NKX6-1: variants seen among roughly 807,000 people sequenced by gnomAD.
NKX6-1 encodes homeobox protein Nkx-6.1.
A neutral mutation model predicts 24.9 loss-of-function variants in NKX6-1; 11 were observed. The observed-to-expected ratio is 0.44, with a 90% confidence interval of 0.28 to 0.73. The LOEUF (loss-of-function observed/expected upper bound fraction) is 0.73, where lower values mean the gene tolerates loss of function less well. Ranked by LOEUF, NKX6-1 falls within the 30% of genes least tolerant of loss-of-function variation. The pLI is 0.15. For missense variants in NKX6-1, 487 were observed against 502.9 expected, an observed-to-expected ratio of 0.97 and a Z score of 0.30; for synonymous variants, 277 against 242.9, an observed-to-expected ratio of 1.14 and a Z score of -1.31.
Position 84,497,460 on chromosome 4 carries a change from C to T in NKX6-1, c.670+99G>A, listed in dbSNP as rs1720843133. The T allele has an allele frequency of 1.6e-6, 2 of 1,245,162 alleles. No homozygotes were observed. The highest frequency in any genetic ancestry group is 2.0e-6 in the Non-Finnish European group (2 of 986,788). The allele number at this position is 1,245,162 out of a possible 1,614,324, so 77.1% of individuals were successfully genotyped here. A position where few individuals can be genotyped will look rare whatever the true frequency, so the allele number is the denominator to read the frequency against. ...GCTGTCAAACTACTGGGGCGGGCCA[C>T]AGGATGGACTGAGCGGCATGCACAC... On this transcript the variant is annotated intron_variant, in intron 1 of 2. Transcript: ENST00000295886. This position sits in a 1 kb window ranked among gnomAD's most constrained non-coding sequence, Gnocchi z 4.8.
chr4:84,495,610 T>C (rs1452744717), intron 2 of NKX6-1, 62 bp downstream of exon 2: 9 of 1,382,550 alleles, frequency 6.5e-6, no homozygotes, highest in African/African-American at 1.4e-5. Context: ...TGTGTGCCCA[T>C]GTGTGCACGC....
At chr4:84,496,028 T>G (rs1473432592) in intron 1 of NKX6-1, among the ~76,000 whole-genome samples, 184 bp from the exon 2 acceptor site, 2 of 152,198 alleles carry the variant, frequency 1.3e-5, no homozygotes, top group African/African-American at 2.4e-5. Context: ...CTTTTTTACA[T>G]CCACCTGTTT....
In NKX6-1 at chr4:84,497,802, C is replaced by G. The variant is rs936465211; in HGVS notation, c.427G>C (p.Ala143Pro). The change falls in exon 1 of 3, where the codon GCT becomes CCT. Residue 143 changes from alanine (A) to proline (P), a missense_variant. This residue lies in a region of NKX6-1 where 316 missense variants were observed against 311.4 expected (regional missense o/e 1.01). Transcript: ENST00000295886. This position sits in a 1 kb window ranked among gnomAD's most constrained non-coding sequence, Gnocchi z 4.8. ...GAGGCGGCGGCTGCGGCCGCGGCAG[C>G]AGCCGCGGCGGCGGCAGAGGCGGAG... ...ASSASAAAAA[A>P]AAAAAAASSP... 4.7e-6 allele frequency: 6 copies of G among 1,267,490 alleles called. No homozygotes were observed. The highest frequency in any genetic ancestry group is 3.1e-5 in the East Asian group (1 of 31,998). 78.5% of individuals were successfully genotyped at this position (1,267,490 alleles called of 1,614,324 possible). A position where few individuals can be genotyped will look rare whatever the true frequency, so the allele number is the denominator to read the frequency against.
At chr4:84,496,860 G>A (rs1479362524) in intron 1 of NKX6-1, 3 of 152,714 alleles carry the variant, frequency 2.0e-5, no homozygotes, top group Non-Finnish European at 4.4e-5. Flanking sequence ...CCAGCCCCCA[G>A]AGTGGAGGCA....
In NKX6-1 at chr4:84,498,909, G is replaced by T. The variant is rs914687532; in HGVS notation, c.-681C>A. 5.9e-5 allele frequency among the ~76,000 whole-genome samples: 9 copies of T among 152,244 alleles called. No individual in the cohort carries two copies. The highest frequency in any genetic ancestry group is 2.2e-4 in the African/African-American group (9 of 41,464). On this transcript the variant is annotated 5_prime_UTR_variant, in exon 1 of 3. Coordinates refer to ENST00000295886, the MANE Select transcript of NKX6-1 (RefSeq NM_006168.3). Reference sequence around the variant, plus strand: ...AAGGGCAGTGCCACGGATCCCCGCGGCTCCCAGGTCCTCACCTCCACCCGC... The same window carrying T: ...AAGGGCAGTGCCACGGATCCCCGCGTCTCCCAGGTCCTCACCTCCACCCGC...
At chr4:84,495,623 G>A (rs374391154) in intron 2 of NKX6-1, 49 bp downstream of exon 2, 206 of 1,530,872 alleles carry the variant, frequency 1.3e-4, no homozygotes, top group Non-Finnish European at 1.7e-4. Flanking sequence ...GTGCACGCGC[G>A]CGCGACAGGG....
At chr4:84,496,336 G>A (rs985985945) in intron 1 of NKX6-1, among the ~76,000 whole-genome samples, 1 of 151,838 alleles carries the variant, frequency 6.6e-6, no homozygotes, top group East Asian at 1.9e-4. Context: ...TCGCCCCCAA[G>A]TCTAACGTCG....
chr4:84,495,645 C>T (rs779378555), intron 2 of NKX6-1, 27 bp downstream of exon 2: 30 of 1,602,422 alleles, frequency 1.9e-5, no homozygotes, highest in South Asian at 3.3e-5. Flanking sequence ...CGGTACCTAT[C>T]CCTCCAGGTA....
In NKX6-1 at chr4:84,495,678, C is replaced by T. The variant is rs1159660567; in HGVS notation, c.837G>A (p.Gln279=). Residue 279 remains glutamine (Q), a synonymous_variant, in exon 2 of 3, where the codon CAG becomes CAA. Transcript: ENST00000295886. The stretch of plus-strand genomic sequence containing the variant: ...GTATGCAAGGTCCACTCACCTTGAC[C>T]TGACTCTCTGTCATCCCCAACGAAT... ...LAYSLGMTES[Q]VKVWFQNRRT... 1.3e-5 allele frequency: 21 copies of T among 1,612,234 alleles called. No individual in the cohort carries two copies. The highest frequency in any genetic ancestry group is 1.7e-5 in the Non-Finnish European group (20 of 1,179,928).
Position 84,497,678 on chromosome 4 carries a change from A to G in NKX6-1, c.551T>C (p.Val184Ala). The change falls in exon 1 of 3, where the codon GTG (valine) becomes GCG (alanine). Residue 184 changes from valine (V) to alanine (A), a missense_variant. Around this residue, in one of 3 missense-constraint regions of NKX6-1, gnomAD observed 316 missense variants for 311.4 expected, o/e 1.01. Coordinates refer to ENST00000295886, the MANE Select transcript of NKX6-1 (RefSeq NM_006168.3). The surrounding 1 kb of genome is among the most constrained non-coding windows in gnomAD (Gnocchi z 4.8). ...CTTGGGGTACCGGCCCACGGCGGCC[A>G]CGGCCGCGGCGCTGGGGCTGAAGTA... ...GLYFSPSAAA[V>A]AAVGRYPKPL... 7.9e-7 allele frequency: 1 copy of G among 1,272,284 alleles called. No individual in the cohort carries two copies. Among genetic ancestry groups the G allele is most frequent in the South Asian group, 3.3e-5 (1 of 30,490 alleles). 78.8% of individuals were successfully genotyped at this position (1,272,284 alleles called of 1,614,324 possible). A position where few individuals can be genotyped will look rare whatever the true frequency, so the allele number is the denominator to read the frequency against.
chr4:84,493,650 C>T lies in NKX6-1; in HGVS notation c.844-101G>A. 2.7e-6 allele frequency: 4 copies of T among 1,459,426 alleles called. No homozygotes were observed. Among genetic ancestry groups the T allele is most frequent in the Non-Finnish European group, 3.7e-6 (4 of 1,076,066 alleles). 90.4% of individuals were successfully genotyped at this position (1,459,426 alleles called of 1,614,324 possible). On this transcript the variant is annotated intron_variant, in intron 2 of 2. Coordinates refer to ENST00000295886, the MANE Select transcript of NKX6-1 (RefSeq NM_006168.3). This position sits in a 1 kb window ranked among gnomAD's most constrained non-coding sequence, Gnocchi z 5.1. ...CTCCCGCATCTCGATGGCCCTCCCG[C>T]GGCCCCCCGAAGGCCTGCTGCCCTC... is the stretch of plus-strand genomic sequence containing the variant.
Position 84,498,364 on chromosome 4 carries a change from G to T in NKX6-1, c.-136C>A. 1 of 1,012,410 alleles carries T rather than the reference G, an allele frequency of 9.9e-7. No individual in the cohort carries two copies. Among genetic ancestry groups the T allele is most frequent in the Non-Finnish European group, 1.3e-6 (1 of 787,070 alleles). 62.7% of individuals were successfully genotyped at this position (1,012,410 alleles called of 1,614,324 possible). A position where few individuals can be genotyped will look rare whatever the true frequency, so the allele number is the denominator to read the frequency against. ...CGCGCCCGGAGGCGAGCTGCCAACT[G>T]AACCAAAAATGCCGCTGCCGGGAGT... is the stretch of plus-strand genomic sequence containing the variant. On this transcript the variant is annotated 5_prime_UTR_variant, in exon 1 of 3. Transcript: ENST00000295886.
Position 84,497,543 on chromosome 4 carries a change from G to T in NKX6-1, c.670+16C>A, listed in dbSNP as rs746042713. The T allele has an allele frequency of 8.0e-7, 1 of 1,254,270 alleles. No homozygotes were observed. The highest frequency in any genetic ancestry group is 1.0e-6 in the Non-Finnish European group (1 of 991,862). 77.7% of individuals were successfully genotyped at this position (1,254,270 alleles called of 1,614,324 possible). A position where few individuals can be genotyped will look rare whatever the true frequency, so the allele number is the denominator to read the frequency against. ...GCACGGCAGGCAGGCATCGGGGCGC[G>T]GGTGGTAGTACTCACGAGGGGTACA... On this transcript the variant is annotated intron_variant, in intron 1 of 2. Coordinates refer to ENST00000295886, the MANE Select transcript of NKX6-1 (RefSeq NM_006168.3). The surrounding 1 kb of genome is among the most constrained non-coding windows in gnomAD (Gnocchi z 4.8).
chr4:84,491,994 T>A lies in NKX6-1; in HGVS notation c.*1295A>T, dbSNP rs994495185. On this transcript the variant is annotated 3_prime_UTR_variant, in exon 3 of 3. Transcript: ENST00000295886. ...TTCAAGGCAACAGACGTCTTCAAACTGTTTTTTTTAATTTGATTTATCCTT... is the reference window on the plus strand; with the variant it reads ...TTCAAGGCAACAGACGTCTTCAAACAGTTTTTTTTAATTTGATTTATCCTT... 1 of 152,230 alleles carries A rather than the reference T, an allele frequency of 6.6e-6. No homozygotes were observed. The highest frequency in any genetic ancestry group is 1.5e-5 in the Non-Finnish European group (1 of 68,042). The allele number at this position is 152,230 out of a possible 1,614,324, so 9.4% of individuals were successfully genotyped here. A position where few individuals can be genotyped will look rare whatever the true frequency, so the allele number is the denominator to read the frequency against.
chr4:84,497,502 G>A lies in NKX6-1; in HGVS notation c.670+57C>T. 2 of 1,250,250 alleles carry A rather than the reference G, an allele frequency of 1.6e-6. No individual in the cohort carries two copies. The highest frequency in any genetic ancestry group is 2.0e-6 in the Non-Finnish European group (2 of 989,240). The allele number at this position is 1,250,250 out of a possible 1,614,324, so 77.4% of individuals were successfully genotyped here. ...CATGCACACCAGGGGCCGCGACCCG[G>A]GAGTGGGCAGAACAGGCACGGCAGG... On this transcript the variant is annotated intron_variant, in intron 1 of 2. Transcript: ENST00000295886. This position sits in a 1 kb window ranked among gnomAD's most constrained non-coding sequence, Gnocchi z 4.8.
intron 1 of NKX6-1, among the ~76,000 whole-genome samples, chr4:84,496,230 G>T (rs887712748): frequency 2.7e-4 from 41 of 151,534 alleles, no homozygotes; most frequent in African/African-American, 9.8e-4. Flanking sequence ...GCCTTTAAGT[G>T]AGAATAACTA....
chr4:84,493,698 G>A lies in NKX6-1; in HGVS notation c.844-149C>T, dbSNP rs532151177. On this transcript the variant is annotated intron_variant, in intron 2 of 2. Coordinates refer to ENST00000295886, the MANE Select transcript of NKX6-1 (RefSeq NM_006168.3). This position sits in a 1 kb window ranked among gnomAD's most constrained non-coding sequence, Gnocchi z 5.1. ...CTCCCTCGCAGCCCTCCCTTTTCTC[G>A]GCCGTCAAAGTCAGTCTCCGTCGCC... 4.0e-5 allele frequency: 40 copies of A among 1,009,772 alleles called. No individual in the cohort carries two copies. The highest frequency in any genetic ancestry group is 5.6e-5 in the Admixed American group (2 of 35,690). The allele number at this position is 1,009,772 out of a possible 1,614,324, so 62.6% of individuals were successfully genotyped here. A position where few individuals can be genotyped will look rare whatever the true frequency, so the allele number is the denominator to read the frequency against.
intron 2 of NKX6-1, among the ~76,000 whole-genome samples, chr4:84,494,594 C>T (rs1046514556): frequency 1.3e-5 from 2 of 152,184 alleles, no homozygotes; most frequent in Non-Finnish European, 1.5e-5. Context: ...GACATATTTA[C>T]GGTGAAAAAT....
At chr4:84,494,846 G>GA (rs1214536235) in intron 2 of NKX6-1, among the ~76,000 whole-genome samples, 1 of 151,776 alleles carries the variant, frequency 6.6e-6, no homozygotes, top group African/African-American at 2.4e-5. Context: ...ATAACAAACT[G>GA]AAAAAGAAGG....
Sources: allele counts gnomAD v4.1 joint callset (sites outside exome capture counted in the v4.1 genomes callset), GRCh38; gene constraint gnomAD v4.1.1; regional missense constraint gnomAD v4.1.1; non-coding constraint Gnocchi (gnomAD v3.1); transcripts MANE v1.5; gene names NCBI Gene and HGNC (gene_info 2026-07-23, HGNC 2026-07-21).